SPTBN1: variants seen among roughly 807,000 people sequenced by gnomAD.
SPTBN1 encodes the protein spectrin beta chain, non-erythrocytic 1.
A neutral mutation model predicts 266.4 loss-of-function variants in SPTBN1; 32 were observed. The observed-to-expected ratio is 0.12, with a 90% CI of 0.09 to 0.16. The LOEUF is 0.16. SPTBN1 is among the 10% of genes least tolerant of loss of function. The probability of loss-of-function intolerance (pLI) is 1.00; values close to 1 mark genes in which losing one functional copy is unlikely to be tolerated. For missense variants in SPTBN1, 2,296 were observed against 3,067.1 expected (o/e 0.75, Z 5.94); for synonymous variants, 1,336 against 1,162.2 (o/e 1.15, Z -3.04).
chr2:54,504,757 AG>A (rs1040795309), intron 1 of SPTBN1, among the ~76,000 whole-genome samples: 50 of 152,088 alleles, frequency 3.3e-4, no homozygotes, highest in Non-Finnish European at 6.9e-4. Flanking sequence ...TCTAATTAAA[AG>A]GTTTTTTTTT....
intron 1 of SPTBN1, among the ~76,000 whole-genome samples, chr2:54,496,419 CAG>C (rs1474483067): frequency 7.9e-6 from 1 of 126,230 alleles, no homozygotes; most frequent in Admixed American, 9.4e-5. Flanking sequence ...GCCTGGGCGA[CAG>C]AGTGATACTC....
At chr2:54,537,644 T>C (rs1050584867) in intron 2 of SPTBN1, among the ~76,000 whole-genome samples, 1 of 152,190 alleles carries the variant, frequency 6.6e-6, no homozygotes, top group African/African-American at 2.4e-5. Flanking sequence ...AAATAGCCAA[T>C]CTGAAGAAAG....
intron 2 of SPTBN1, among the ~76,000 whole-genome samples, chr2:54,559,855 G>A (rs905491450): frequency 3.3e-5 from 5 of 152,204 alleles, no homozygotes; most frequent in African/African-American, 1.2e-4. Context: ...TTCCTGTGAG[G>A]AGGAGGAAGG....
intron 1 of SPTBN1, among the ~76,000 whole-genome samples, chr2:54,473,414 T>G (rs1203172778): frequency 6.6e-6 from 1 of 152,230 alleles, no homozygotes; most frequent in African/African-American, 2.4e-5. Flanking sequence ...ATTGTTGCCA[T>G]GTTGGAAAAT....
chr2:54,508,194 G>A (rs748209320), intron 1 of SPTBN1, among the ~76,000 whole-genome samples: 18 of 152,274 alleles, frequency 1.2e-4, no homozygotes, highest in South Asian at 2.1e-4. Context: ...GTATAGAGGT[G>A]AGAAGGCCAA....
At chr2:54,529,230 C>G in intron 2 of SPTBN1, 1 of 365,800 alleles carries the variant, frequency 2.7e-6, no homozygotes, top group South Asian at 2.2e-5. Context: ...TCATCCAGTC[C>G]CCTTCCTTCG....
chr2:54,574,307 C>T lies in SPTBN1; in HGVS notation c.149-24785C>T, dbSNP rs188259601. Among the ~76,000 whole-genome samples, 80 of 152,254 alleles carry T rather than the reference C, an allele frequency of 5.3e-4. 1 individual carries two copies. The highest frequency in any genetic ancestry group is 1.5e-3 in the African/African-American group (62 of 41,556). ...ATTAGTGTGGCGGAGCCGGCCTTTG[C>T]ACCTGGCTGTTGACCACGCCCTAGC... On this transcript the variant is annotated intron_variant, in intron 2 of 35. Transcript: ENST00000356805.
intron 2 of SPTBN1, among the ~76,000 whole-genome samples, chr2:54,549,088 G>T (rs1672416456): frequency 6.6e-6 from 1 of 152,156 alleles, no homozygotes; most frequent in East Asian, 1.9e-4. Context: ...ATCACTTGAG[G>T]TCAGAAGCCT....
chr2:54,654,851 A>G (rs1480984972), intron 27 of SPTBN1, among the ~76,000 whole-genome samples: 1 of 152,224 alleles, frequency 6.6e-6, no homozygotes, highest in African/African-American at 2.4e-5. Context: ...AAAAGCAGCC[A>G]TATTCTACAG....
chr2:54,591,195 G>A (rs1471722066), intron 2 of SPTBN1, among the ~76,000 whole-genome samples: 1 of 152,194 alleles, frequency 6.6e-6, no homozygotes, highest in Admixed American at 6.5e-5. Context: ...TCTAGGTAAA[G>A]TATGCACTTT....
intron 9 of SPTBN1, 23 bp from the exon 10 acceptor site, chr2:54,623,456 T>G: frequency 6.2e-7 from 1 of 1,608,400 alleles, no homozygotes. Flanking sequence ...CAGTACCAAA[T>G]GAATGTTTTC....
At chr2:54,666,370 T>TA (rs1211639898) in intron 34 of SPTBN1, among the ~76,000 whole-genome samples, 1 of 152,214 alleles carries the variant, frequency 6.6e-6, no homozygotes, top group Non-Finnish European at 1.5e-5. Context: ...CCCTAAGACT[T>TA]AAAGAGAGCT....
chr2:54,528,103 A>G (rs1221273575), intron 2 of SPTBN1: 3 of 152,644 alleles, frequency 2.0e-5, no homozygotes, highest in African/African-American at 7.2e-5. Context: ...TTGGGGCTTC[A>G]TTATCATTCA....
At chr2:54,583,602 T>C (rs550710984) in intron 2 of SPTBN1, among the ~76,000 whole-genome samples, 3 of 152,308 alleles carry the variant, frequency 2.0e-5, no homozygotes, top group African/African-American at 7.2e-5. Flanking sequence ...AAAATTAATA[T>C]CCTTAGTGTC....
At chr2:54,656,852 C>A (rs1680701695) in intron 29 of SPTBN1, among the ~76,000 whole-genome samples, 1 of 152,152 alleles carries the variant, frequency 6.6e-6, no homozygotes, top group African/African-American at 2.4e-5. Flanking sequence ...CTCAGCAAAA[C>A]CCACATTACA....
At chr2:54,636,810 T>G (rs1437074545) in intron 17 of SPTBN1, among the ~76,000 whole-genome samples, 2 of 152,238 alleles carry the variant, frequency 1.3e-5, no homozygotes, top group Non-Finnish European at 2.9e-5. Context: ...CTTTCTTGTT[T>G]AGGCAACTCA....
In SPTBN1 at chr2:54,612,301, T is replaced by G; in HGVS notation, c.441T>G (p.Leu147=). 6.2e-7 allele frequency: 1 copy of G among 1,613,882 alleles called. No homozygotes were observed. The highest frequency in any genetic ancestry group is 1.3e-5 in the African/African-American group (1 of 75,048). Residue 147 remains leucine (L), a synonymous_variant, in exon 4 of 36, where the codon CTT becomes CTG. Transcript: ENST00000356805. ...TGGATGGAAACCACCGGCTGACCCTTGGCCTCATCTGGACCATCATCCTGC... is the reference window on the plus strand; with the variant it reads ...TGGATGGAAACCACCGGCTGACCCTGGGCCTCATCTGGACCATCATCCTGC... ...DIVDGNHRLT[L]GLIWTIILRF...
intron 1 of SPTBN1, among the ~76,000 whole-genome samples, chr2:54,475,261 A>G (rs1335015212): frequency 2.0e-5 from 3 of 152,216 alleles, no homozygotes; most frequent in African/African-American, 4.8e-5. Flanking sequence ...TTTGTCAATT[A>G]TAAGAACAGC....
chr2:54,539,067 C>T (rs1671784251), intron 2 of SPTBN1, among the ~76,000 whole-genome samples: 1 of 152,162 alleles, frequency 6.6e-6, no homozygotes, highest in African/African-American at 2.4e-5. Context: ...TTCTGTACCC[C>T]ATGTTCTCTG....
Sources: gnomAD v4.1 joint callset for allele counts (sites outside exome capture counted in the v4.1 genomes callset) on GRCh38, gnomAD v4.1.1 for gene constraint, MANE v1.5 for transcripts, NCBI Gene and HGNC (gene_info 2026-07-23, HGNC 2026-07-21) for gene names.